SPTBN1: variants seen among roughly 807,000 people sequenced by gnomAD.
SPTBN1 encodes the protein spectrin beta, non-erythrocytic 1.
In SPTBN1, 32 loss-of-function variants were observed where a neutral mutation model predicts 266.4. That is an observed-to-expected ratio of 0.12 (90% CI 0.09 to 0.16). The LOEUF is 0.16. SPTBN1 is among the 10% of genes least tolerant of loss of function. SPTBN1 has a pLI of 1.00. For missense variants in SPTBN1, 2,296 were observed against 3,067.1 expected, an observed-to-expected ratio of 0.75 and a Z score of 5.94; for synonymous variants, 1,336 against 1,162.2, an observed-to-expected ratio of 1.15 and a Z score of -3.04.
intron 16 of SPTBN1, 24 bp from the exon 17 acceptor site, chr2:54,632,542 G>A: frequency 6.2e-7 from 1 of 1,611,954 alleles, no homozygotes; most frequent in South Asian, 1.1e-5. Flanking sequence ...GATCTGCTAT[G>A]ATTTGTTCCT....
chr2:54,490,941 A>AC (rs1025009266), intron 1 of SPTBN1, among the ~76,000 whole-genome samples: 1 of 151,726 alleles, frequency 6.6e-6, no homozygotes, highest in Non-Finnish European at 1.5e-5. Context: ...CCAGGCAAAA[A>AC]CTCTTGCATG....
intron 1 of SPTBN1, among the ~76,000 whole-genome samples, chr2:54,484,489 G>T (rs1226352928): frequency 7.9e-5 from 12 of 152,150 alleles, no homozygotes; most frequent in Non-Finnish European, 1.6e-4. Flanking sequence ...CAGAGAGCAA[G>T]GTAGGAAATG....
At chr2:54,458,758 C>T (rs886891474) in intron 1 of SPTBN1, among the ~76,000 whole-genome samples, 1 of 152,164 alleles carries the variant, frequency 6.6e-6, no homozygotes, top group Non-Finnish European at 1.5e-5. Context: ...TTTCAAATGT[C>T]AACCCAGGCT....
At chr2:54,553,096 C>A (rs1030410957) in intron 2 of SPTBN1, among the ~76,000 whole-genome samples, 2 of 152,214 alleles carry the variant, frequency 1.3e-5, no homozygotes, top group Admixed American at 1.3e-4. Context: ...ATAATTTCTT[C>A]TGTCTTTTCT....
chr2:54,480,697 C>T (rs376031045), intron 1 of SPTBN1, among the ~76,000 whole-genome samples: 4 of 152,176 alleles, frequency 2.6e-5, no homozygotes, highest in African/African-American at 9.7e-5. Flanking sequence ...GAGAAGTCAT[C>T]ACTGAGTTGC....
At chr2:54,492,529 G>A (rs1305897220) in intron 1 of SPTBN1, among the ~76,000 whole-genome samples, 2 of 152,182 alleles carry the variant, frequency 1.3e-5, no homozygotes, top group South Asian at 4.1e-4. Flanking sequence ...GCAGGTGGTG[G>A]ACCTACTGCC....
chr2:54,624,411 G>C (rs1055981601), intron 10 of SPTBN1, among the ~76,000 whole-genome samples: 8 of 152,254 alleles, frequency 5.3e-5, no homozygotes, highest in South Asian at 2.1e-4. Context: ...TTTAAAAGTG[G>C]CCCAGGGTGG....
At chr2:54,560,033 C>T (rs893939146) in intron 2 of SPTBN1, among the ~76,000 whole-genome samples, 1 of 152,204 alleles carries the variant, frequency 6.6e-6, no homozygotes, top group African/African-American at 2.4e-5. Flanking sequence ...GTGCCACATT[C>T]CTCTGGCAGT....
At chr2:54,620,578 G>C (rs1677927546) in intron 7 of SPTBN1, among the ~76,000 whole-genome samples, 1 of 152,210 alleles carries the variant, frequency 6.6e-6, no homozygotes, top group African/African-American at 2.4e-5. Context: ...GAGCCCAGGA[G>C]TTTGAGGCTG....
intron 15 of SPTBN1, 36 bp downstream of exon 15, chr2:54,630,065 G>A (rs140637540): frequency 4.0e-5 from 64 of 1,602,060 alleles, no homozygotes; most frequent in Middle Eastern, 1.7e-4. Flanking sequence ...AGCCTCCCAC[G>A]TGTGGGACTG....
At chr2:54,602,047 C>G (rs1676532522) in intron 3 of SPTBN1, among the ~76,000 whole-genome samples, 1 of 152,184 alleles carries the variant, frequency 6.6e-6, no homozygotes, top group Non-Finnish European at 1.5e-5. Flanking sequence ...CTCTCGGTCT[C>G]AGGTGTATCA....
chr2:54,488,399 C>T (rs1422715210), intron 1 of SPTBN1, among the ~76,000 whole-genome samples: 1 of 152,134 alleles, frequency 6.6e-6, no homozygotes, highest in East Asian at 1.9e-4. Context: ...CTTGGACTGC[C>T]GTGATGTCTG....
chr2:54,581,577 C>CTTTTTTTTTTT (rs70944181), intron 2 of SPTBN1, among the ~76,000 whole-genome samples: 16 of 102,666 alleles, frequency 1.6e-4, no homozygotes, highest in Middle Eastern at 4.5e-3. Flanking sequence ...TTTCTTTGCC[C>CTTTTTTTTTTT]TTTTTTTTTT....
chr2:54,473,432 T>C (rs577789995), intron 1 of SPTBN1, among the ~76,000 whole-genome samples: 3 of 152,358 alleles, frequency 2.0e-5, no homozygotes, highest in Non-Finnish European at 4.4e-5. Flanking sequence ...AATTTCTTTA[T>C]TGAGCCTATG....
chr2:54,568,684 G>A (rs1271584243), intron 2 of SPTBN1, among the ~76,000 whole-genome samples: 3 of 152,132 alleles, frequency 2.0e-5, no homozygotes, highest in Non-Finnish European at 4.4e-5. Flanking sequence ...TAAAAAAACA[G>A]TTTCTTTTCA....
rs140836730 is a variant in SPTBN1 at position 54,529,138 on chromosome 2, G to A, written c.148+2572G>A. Among the ~76,000 whole-genome samples the A allele has an allele frequency of 2.5e-3, 385 of 152,274 alleles. 4 individuals are homozygous for A. Among genetic ancestry groups the A allele is most frequent in the African/African-American group, 8.3e-3 (344 of 41,550 alleles). On this transcript the variant is annotated intron_variant, in intron 2 of 35. Coordinates refer to ENST00000356805, the MANE Select transcript of SPTBN1 (RefSeq NM_003128.3). ...GATGCTGATTCAGTAGGCCTTGAGT[G>A]GGGATAATTTACATATCCAACAGGC... is the stretch of plus-strand genomic sequence containing the variant.
Position 54,617,765 on chromosome 2 carries a change from T to C in SPTBN1, c.647+77T>C. On this transcript the variant is annotated intron_variant, in intron 6 of 35. Coordinates refer to ENST00000356805, the MANE Select transcript of SPTBN1 (RefSeq NM_003128.3). ...TTCCATAGCAGATTTGGGTGACTTT[T>C]CCATATCCGTTGGCTTAACTGTCTC... 10 of 1,452,178 alleles carry C rather than the reference T, an allele frequency of 6.9e-6. No individual in the cohort carries two copies. The South Asian group carries it at 1.2e-4, about 17-fold the overall frequency. 90.0% of individuals were successfully genotyped at this position (1,452,178 alleles called of 1,614,324 possible). A position where few individuals can be genotyped will look rare whatever the true frequency, so the allele number is the denominator to read the frequency against.
intron 1 of SPTBN1, among the ~76,000 whole-genome samples, chr2:54,511,483 A>C (rs1267892414): frequency 6.6e-6 from 1 of 152,178 alleles, no homozygotes; most frequent in African/African-American, 2.4e-5. Flanking sequence ...CAGTTTTTCC[A>C]CTGACGGGTT....
At chr2:54,644,947 T>C (rs1679821567) in intron 20 of SPTBN1, among the ~76,000 whole-genome samples, 1 of 152,240 alleles carries the variant, frequency 6.6e-6, no homozygotes, top group African/African-American at 2.4e-5. Flanking sequence ...ACATCGTGAT[T>C]TGTGACAGTT....
Sources: allele counts gnomAD v4.1 joint callset (sites outside exome capture counted in the v4.1 genomes callset), GRCh38; gene constraint gnomAD v4.1.1; transcripts MANE v1.5; gene names NCBI Gene and HGNC (gene_info 2026-07-23, HGNC 2026-07-21).